Variants in CCSER1 observed in about 807,000 individuals in gnomAD.
CCSER1 encodes serine-rich coiled-coil domain-containing protein 1.
Under a neutral mutation model 82.0 loss-of-function variants are expected in CCSER1, and 41 were observed. The observed-to-expected ratio is 0.50, with a 90% CI of 0.39 to 0.65. CCSER1 has a LOEUF of 0.65. Among genes scored for constraint, CCSER1 ranks in the 30% least tolerant of loss-of-function variants. The pLI is 0.00. For missense variants in CCSER1, 1,119 were observed against 1,064.2 expected (o/e 1.05, Z -0.72); for synonymous variants, 414 against 383.9 (o/e 1.08, Z -0.92).
chr4:90,701,789 T>C (rs538804237), intron 6 of CCSER1, among the ~76,000 whole-genome samples: 166 of 152,360 alleles, frequency 1.1e-3, no homozygotes, highest in African/African-American at 3.9e-3. Context: ...GTTATTGGTG[T>C]GTAAGAACGC....
intron 10 of CCSER1, among the ~76,000 whole-genome samples, chr4:91,566,314 C>T (rs1475966113): frequency 6.6e-6 from 1 of 151,946 alleles, no homozygotes; most frequent in Non-Finnish European, 1.5e-5. Context: ...AAGGATTTTG[C>T]ATTGATGTTG....
At chr4:90,871,512 A>G (rs1360995918) in intron 8 of CCSER1, among the ~76,000 whole-genome samples, 7 of 151,836 alleles carry the variant, frequency 4.6e-5, no homozygotes, top group African/African-American at 1.7e-4. Flanking sequence ...GTTTTATTCC[A>G]TTGTAGTTAG....
chr4:90,518,045 C>T (rs1395767008), intron 5 of CCSER1, among the ~76,000 whole-genome samples: 6 of 151,930 alleles, frequency 3.9e-5, no homozygotes, highest in East Asian at 1.9e-4. Context: ...TTAAACACTG[C>T]TTAATTTGTA....
chr4:90,897,168 G>T (rs907520677), intron 8 of CCSER1, among the ~76,000 whole-genome samples: 3 of 151,578 alleles, frequency 2.0e-5, no homozygotes, highest in East Asian at 3.9e-4. Context: ...GGGTTCTTTT[G>T]CAGGTTTGTT....
chr4:90,878,588 G>A (rs1315204372), intron 8 of CCSER1, among the ~76,000 whole-genome samples: 2 of 152,050 alleles, frequency 1.3e-5, no homozygotes, highest in Non-Finnish European at 2.9e-5. Flanking sequence ...GCTCCATGTT[G>A]CTATATGTTC....
chr4:90,338,231 T>G (rs891301519), intron 3 of CCSER1, among the ~76,000 whole-genome samples: 1 of 152,214 alleles, frequency 6.6e-6, no homozygotes, highest in Non-Finnish European at 1.5e-5. Context: ...TATTCCTGAA[T>G]GTCTAATGCA....
chr4:90,250,260 T>C (rs1722154961), intron 1 of CCSER1, among the ~76,000 whole-genome samples: 1 of 152,124 alleles, frequency 6.6e-6, no homozygotes, highest in African/African-American at 2.4e-5. Flanking sequence ...ATGCTTACTT[T>C]TGCTTATACA....
chr4:90,809,098 AC>A (rs1383119688), intron 7 of CCSER1, among the ~76,000 whole-genome samples: 1 of 152,092 alleles, frequency 6.6e-6, no homozygotes, highest in African/African-American at 2.4e-5. Context: ...TAGGAGGATC[AC>A]TTGAGCCCAG....
At chr4:91,491,217 G>C (rs2110070183) in intron 10 of CCSER1, among the ~76,000 whole-genome samples, 1 of 151,794 alleles carries the variant, frequency 6.6e-6, no homozygotes, top group Middle Eastern at 3.4e-3. Flanking sequence ...CAACCAAAAA[G>C]TTAAGTCCTT....
chr4:91,013,939 T>G (rs532875076), intron 9 of CCSER1, among the ~76,000 whole-genome samples: 1 of 132,004 alleles, frequency 7.6e-6, no homozygotes, highest in African/African-American at 2.5e-5. Flanking sequence ...TGTTTTTGTT[T>G]TTGTTGTTGT....
At chr4:91,587,014 C>T (rs1016643157) in intron 10 of CCSER1, among the ~76,000 whole-genome samples, 5 of 151,550 alleles carry the variant, frequency 3.3e-5, no homozygotes, top group African/African-American at 1.2e-4. Flanking sequence ...TATTAATAAA[C>T]TTAGCATGGG....
At chr4:90,498,942 CT>C (rs1441712984) in intron 5 of CCSER1, among the ~76,000 whole-genome samples, 1 of 152,008 alleles carries the variant, frequency 6.6e-6, no homozygotes, top group East Asian at 1.9e-4. Context: ...CGTGAACAGA[CT>C]TTTTAAAACT....
At chr4:90,976,641 C>T (rs1408561779) in intron 9 of CCSER1, among the ~76,000 whole-genome samples, 2 of 151,234 alleles carry the variant, frequency 1.3e-5, no homozygotes, top group African/African-American at 2.4e-5. Context: ...TAAAACTAAT[C>T]CACAGGATCA....
chr4:90,130,911 G>A (rs942067362), intron 1 of CCSER1, among the ~76,000 whole-genome samples: 11 of 151,776 alleles, frequency 7.2e-5, no homozygotes, highest in African/African-American at 1.9e-4. Context: ...GACCCACTGC[G>A]CCCTGCCCAC....
intron 1 of CCSER1, among the ~76,000 whole-genome samples, chr4:90,161,704 G>A (rs769024233): frequency 6.6e-5 from 10 of 152,054 alleles, no homozygotes; most frequent in Non-Finnish European, 1.0e-4. Context: ...TAGGTAAAAC[G>A]TGGGTTTAAA....
chr4:91,325,041 G>A, intron 10 of CCSER1: 1 of 380,202 alleles, frequency 2.6e-6, no homozygotes, highest in African/African-American at 2.1e-5. Flanking sequence ...AATGCAAAAG[G>A]CCATCGGACC....
intron 6 of CCSER1, among the ~76,000 whole-genome samples, chr4:90,701,190 G>T (rs954753646): frequency 6.6e-6 from 1 of 152,058 alleles, no homozygotes; most frequent in Admixed American, 6.6e-5. Flanking sequence ...CCAGTTTCAG[G>T]TTTCTACATA....
rs4419443 is a variant in CCSER1, at chr4:90,227,747, G to A, written c.-41-80497G>A. Among the ~76,000 whole-genome samples the A allele has an allele frequency of 2.0e-3, 297 of 152,306 alleles. 3 individuals are homozygous for A. Among genetic ancestry groups the A allele is most frequent in the African/African-American group, 6.7e-3 (279 of 41,566 alleles). On this transcript the variant is annotated intron_variant, in intron 1 of 10. Coordinates refer to ENST00000509176, the MANE Select transcript of CCSER1 (RefSeq NM_001145065.2). ...CACTAGGGAGTGCCAGACAGTGGGC[G>A]CAAGTCAATGGGTGCGCGCACCATG...
chr4:90,509,106 A>T (rs1257177751), intron 5 of CCSER1, among the ~76,000 whole-genome samples: 1 of 152,092 alleles, frequency 6.6e-6, no homozygotes, highest in Non-Finnish European at 1.5e-5. Flanking sequence ...GAGTTTGGGA[A>T]TTAATACGTT....
Sources: gnomAD v4.1 joint callset for allele counts (sites outside exome capture counted in the v4.1 genomes callset) on GRCh38, gnomAD v4.1.1 for gene constraint, MANE v1.5 for transcripts, NCBI Gene and HGNC (gene_info 2026-07-23, HGNC 2026-07-21) for gene names.